Variants in ZC3H12B observed in about 807,000 individuals in gnomAD.
The protein encoded by ZC3H12B is zinc finger CCCH-type containing 12B, also known as probable ribonuclease ZC3H12B.
A neutral mutation model predicts 43.9 loss-of-function variants in ZC3H12B; 7 were observed. The ratio of observed to expected loss-of-function variants is 0.16; its 90% CI spans 0.09 to 0.30. The LOEUF (loss-of-function observed/expected upper bound fraction) is 0.30. Among genes scored for constraint, ZC3H12B ranks in the 10% least tolerant of loss-of-function variants. ZC3H12B has a pLI of 1.00. For synonymous variants in ZC3H12B, 222 were observed against 241.7 expected (o/e 0.92, Z 0.76); for missense variants, 475 against 670.2 (o/e 0.71, Z 3.22).
chrX:65,372,439 G>A (rs757012013), intron 2 of ZC3H12B, among the ~76,000 whole-genome samples: 5 of 108,576 alleles, frequency 4.6e-5, no homozygotes, highest in Middle Eastern at 4.7e-3. Flanking sequence ...CATATTTTAA[G>A]AAAGGAGGGA....
At chrX:65,421,319 G>A (rs774364441) in intron 3 of ZC3H12B, among the ~76,000 whole-genome samples, 13 of 112,335 alleles carry the variant, frequency 1.2e-4, no homozygotes, top group African/African-American at 2.6e-4. Flanking sequence ...TAGAGGTTAT[G>A]CATGGGCTCA....
At chrX:65,355,675 A>C in the ZC3H12B span, among the ~76,000 whole-genome samples, 8 of 111,973 alleles carry the variant, frequency 7.1e-5, no homozygotes, top group Non-Finnish European at 1.3e-4. Context: ...AGTTTTTAAA[A>C]ATTTAAACAA....
At chrX:65,414,723 C>T (rs2066940988) in intron 3 of ZC3H12B, among the ~76,000 whole-genome samples, 1 of 111,407 alleles carries the variant, frequency 9.0e-6, no homozygotes, top group East Asian at 2.8e-4. Flanking sequence ...TCTACCTTCG[C>T]TTCTTTTTTC....
At chrX:65,374,320 G>T (rs1203963479) in intron 2 of ZC3H12B, among the ~76,000 whole-genome samples, 1 of 95,751 alleles carries the variant, frequency 1.0e-5, no homozygotes. Flanking sequence ...TTGGTTGGGT[G>T]CTATGCTCAC....
chrX:65,437,578 A>T (rs1285399030), intron 3 of ZC3H12B, among the ~76,000 whole-genome samples: 1 of 112,022 alleles, frequency 8.9e-6, no homozygotes, highest in African/African-American at 3.2e-5. Flanking sequence ...CTTTTGCCTA[A>T]TTTTTAATTA....
At chrX:65,406,736 C>A (rs1569396955) in intron 3 of ZC3H12B, among the ~76,000 whole-genome samples, 1 of 111,900 alleles carries the variant, frequency 8.9e-6, no homozygotes. Flanking sequence ...GCGGCGGCTG[C>A]AGGAGCAGCA....
chrX:65,447,954 C>T (rs906701475), intron 3 of ZC3H12B, among the ~76,000 whole-genome samples: 5 of 111,380 alleles, frequency 4.5e-5, no homozygotes, highest in South Asian at 3.7e-4. Context: ...TTAAAAGGGC[C>T]GGGCACGGTG....
the ZC3H12B span, among the ~76,000 whole-genome samples, chrX:65,085,626 G>T: frequency 1.8e-5 from 2 of 109,940 alleles, no homozygotes; most frequent in African/African-American, 6.6e-5. Flanking sequence ...TAAAAAATTA[G>T]CCAGGCCTGG....
At chrX:65,136,355 G>T in the ZC3H12B span, among the ~76,000 whole-genome samples, 11 of 111,092 alleles carry the variant, frequency 9.9e-5, no homozygotes, top group African/African-American at 3.3e-4. Flanking sequence ...GACACTGTGT[G>T]TGTTTGGTGG....
At chrX:65,146,510 G>A in the ZC3H12B span, among the ~76,000 whole-genome samples, 1 of 111,436 alleles carries the variant, frequency 9.0e-6, no homozygotes, top group East Asian at 2.8e-4. Flanking sequence ...GAGCTAGTGT[G>A]ATTTTTGGGG....
rs192833737 is a variant in ZC3H12B at position 65,421,961 on chromosome X, A to G, written n.407+23257A>G. On this transcript the variant is annotated intron_variant and non_coding_transcript_variant, in intron 3 of 5. Coordinates refer to the ZC3H12B transcript ENST00000617377. ...AGACTCCATCTCAAAAAAAAAAAAAAAAGAAGTGCAGCAATGAGCTGATGT... is the reference window on the plus strand; with the variant it reads ...AGACTCCATCTCAAAAAAAAAAAAAGAAGAAGTGCAGCAATGAGCTGATGT... Among the ~76,000 whole-genome samples, 20 of 110,652 alleles carry G rather than the reference A, an allele frequency of 1.8e-4. No individual in the cohort carries two copies. In the East Asian group the frequency reaches 3.7e-3, roughly 20 times the overall value.
At chrX:65,170,788 C>T in the ZC3H12B span, among the ~76,000 whole-genome samples, 1 of 111,847 alleles carries the variant, frequency 8.9e-6, no homozygotes, top group Non-Finnish European at 1.9e-5. Flanking sequence ...TTCATTTGAT[C>T]TTCAATCACT....
chrX:65,506,310 A>G (rs1418261959), exon 5 of ZC3H12B: 1 of 112,513 alleles, frequency 8.9e-6, no homozygotes, highest in African/African-American at 3.2e-5. Flanking sequence ...AGAATCTACA[A>G]ATGGAGCTAT....
chrX:65,283,566 T>C, the ZC3H12B span, among the ~76,000 whole-genome samples: 1 of 111,686 alleles, frequency 9.0e-6, no homozygotes. Context: ...ATTATATATT[T>C]AGAAAACCCC....
At chrX:65,167,151 T>A in the ZC3H12B span, among the ~76,000 whole-genome samples, 1 of 112,094 alleles carries the variant, frequency 8.9e-6, no homozygotes, top group African/African-American at 3.2e-5. Context: ...GCCTAGGTTT[T>A]CTTCTAGGGT....
chrX:65,232,216 G>T, the ZC3H12B span, among the ~76,000 whole-genome samples: 1 of 111,102 alleles, frequency 9.0e-6, no homozygotes, highest in East Asian at 2.8e-4. Flanking sequence ...ACTCCAGCCT[G>T]GGTGACAGAG....
the ZC3H12B span, among the ~76,000 whole-genome samples, chrX:65,201,123 T>A: frequency 1.8e-5 from 2 of 111,998 alleles, no homozygotes; most frequent in Admixed American, 9.5e-5. Context: ...TAGTGCCAGC[T>A]CTTCTTCGTA....
rs1345629708 is a variant in ZC3H12B at position 65,472,996 on chromosome X, A to ATG, written n.408-15648_408-15647dup. On this transcript the variant is annotated intron_variant and non_coding_transcript_variant, in intron 3 of 5. Transcript: ENST00000617377. ...TGTGTGTATATATATATATATATAT[A>ATG]TGTATATATATATATATATATCTGT... 3.7e-4 allele frequency among the ~76,000 whole-genome samples: 28 copies of ATG among 75,338 alleles called. 1 individual carries two copies. Among genetic ancestry groups the ATG allele is most frequent in the African/African-American group, 2.7e-3 (27 of 9,883 alleles). 65.4% of individuals were successfully genotyped at this position (75,338 alleles called of 115,157 possible).
upstream of ZC3H12B, among the ~76,000 whole-genome samples, chrX:65,486,816 C>T (rs937729348): frequency 4.4e-5 from 5 of 112,365 alleles, no homozygotes; most frequent in South Asian, 3.7e-4. Context: ...ATGAAATAAA[C>T]ATTCTATGGT....
Sources: allele counts gnomAD v4.1 joint callset (sites outside exome capture counted in the v4.1 genomes callset), GRCh38; gene constraint gnomAD v4.1.1; transcripts MANE v1.5; gene names NCBI Gene and HGNC (gene_info 2026-07-23, HGNC 2026-07-21).